SV2C: variants seen among roughly 807,000 people sequenced by gnomAD.
The protein encoded by SV2C is solute carrier family 22 member B3.
In SV2C, 49 loss-of-function variants were observed where a neutral mutation model predicts 79.7. The observed-to-expected ratio is 0.61, with a 90% CI of 0.49 to 0.78. The LOEUF is 0.78. SV2C is among the 30% of genes least tolerant of loss of function. The probability of loss-of-function intolerance (pLI) is 0.00; values close to 1 mark genes in which losing one functional copy is unlikely to be tolerated. For synonymous variants in SV2C, 334 were observed against 333.2 expected, an observed-to-expected ratio of 1.00 and a Z score of -0.03; for missense variants, 833 against 912.9, an observed-to-expected ratio of 0.91 and a Z score of 1.13.
intron 4 of SV2C, among the ~76,000 whole-genome samples, chr5:76,267,681 C>A (rs917068189): frequency 1.3e-5 from 2 of 152,180 alleles, no homozygotes; most frequent in African/African-American, 4.8e-5. Flanking sequence ...GGCATTGATG[C>A]CAAGCATGGC....
chr5:76,318,935 A>G (rs1367557740), intron 12 of SV2C, among the ~76,000 whole-genome samples: 1 of 152,208 alleles, frequency 6.6e-6, no homozygotes, highest in African/African-American at 2.4e-5. Context: ...CCCCACCCTC[A>G]AAGGACTTTA....
chr5:76,140,315 TC>T (rs1340187067), intron 2 of SV2C, among the ~76,000 whole-genome samples: 1 of 152,204 alleles, frequency 6.6e-6, no homozygotes, highest in East Asian at 1.9e-4. Context: ...TATACAGAAT[TC>T]ATTCCTCCCA....
the SV2C span, among the ~76,000 whole-genome samples, chr5:76,073,238 CT>C: frequency 6.6e-6 from 1 of 152,010 alleles, no homozygotes; most frequent in South Asian, 2.1e-4. Flanking sequence ...AGATTTAAGT[CT>C]TTGATCCATC....
intron 1 of SV2C, among the ~76,000 whole-genome samples, chr5:76,107,463 A>G (rs1422759249): frequency 1.3e-5 from 2 of 152,220 alleles, no homozygotes; most frequent in Non-Finnish European, 2.9e-5. Flanking sequence ...AAGAAATAAT[A>G]CCTTGCAGTT....
chr5:76,273,743 T>G (rs1362766468), intron 4 of SV2C, among the ~76,000 whole-genome samples: 1 of 152,158 alleles, frequency 6.6e-6, no homozygotes, highest in African/African-American at 2.4e-5. Context: ...TATTGGAGTT[T>G]GTTGGAATTT....
At chr5:76,084,399 G>A (rs1275529203) in intron 1 of SV2C, among the ~76,000 whole-genome samples, 1 of 151,896 alleles carries the variant, frequency 6.6e-6, no homozygotes, top group Non-Finnish European at 1.5e-5. Flanking sequence ...CCTTCCGCCT[G>A]GGTTCTAGAA....
the SV2C span, among the ~76,000 whole-genome samples, chr5:75,856,916 T>C: frequency 6.6e-6 from 1 of 152,098 alleles, no homozygotes; most frequent in Non-Finnish European, 1.5e-5. Context: ...CTTGTAGCAT[T>C]TTCATAGTTT....
At chr5:76,023,035 C>T in the SV2C span, among the ~76,000 whole-genome samples, 1 of 152,202 alleles carries the variant, frequency 6.6e-6, no homozygotes, top group Non-Finnish European at 1.5e-5. Flanking sequence ...TATATCCACA[C>T]TTCACAGTGA....
intron 1 of SV2C, among the ~76,000 whole-genome samples, chr5:76,111,456 C>G (rs960656273): frequency 6.6e-6 from 1 of 152,156 alleles, no homozygotes; most frequent in Admixed American, 6.5e-5. Context: ...ACTTTTCCAG[C>G]GAGGAAATGT....
intron 2 of SV2C, among the ~76,000 whole-genome samples, chr5:76,181,429 CA>C (rs1743727898): frequency 6.6e-6 from 1 of 152,192 alleles, no homozygotes; most frequent in Admixed American, 6.5e-5. Context: ...TCTGTTTTCA[CA>C]CTGCTATAAA....
At chr5:76,321,716 G>C (rs1342134489) in intron 12 of SV2C, among the ~76,000 whole-genome samples, 1 of 150,198 alleles carries the variant, frequency 6.7e-6, no homozygotes, top group Non-Finnish European at 1.5e-5. Context: ...ACTCCAGCCT[G>C]GGTGACATGA....
chr5:75,977,634 G>A, the SV2C span, among the ~76,000 whole-genome samples: 9 of 152,234 alleles, frequency 5.9e-5, no homozygotes, highest in African/African-American at 2.2e-4. Flanking sequence ...CTCACCCATA[G>A]CGGGCTGAAA....
rs561857208 is a variant in SV2C, at chr5:76,283,008, T to A, written c.914-2154T>A. The stretch of plus-strand genomic sequence containing the variant: ...GCCTGAGCGACAGAGTGAGACTCCA[T>A]CTCAACAAAACAAAACAAAAACAAG... On this transcript the variant is annotated intron_variant, in intron 4 of 12. Coordinates refer to ENST00000502798, the MANE Select transcript of SV2C (RefSeq NM_014979.4). Among the ~76,000 whole-genome samples, 25 of 152,040 alleles carry A rather than the reference T, an allele frequency of 1.6e-4. No individual in the cohort carries two copies. The South Asian group carries it at 5.2e-3, about 32-fold the overall frequency.
intron 4 of SV2C, among the ~76,000 whole-genome samples, chr5:76,267,513 A>G (rs1746705272): frequency 1.3e-5 from 2 of 152,296 alleles, no homozygotes; most frequent in South Asian, 4.1e-4. Context: ...TCTTTTGTAT[A>G]TTCCATTCTA....
chr5:75,987,988 C>T, the SV2C span, among the ~76,000 whole-genome samples: 33 of 152,058 alleles, frequency 2.2e-4, 1 homozygote, highest in South Asian at 6.2e-3. Context: ...TATAAAACAC[C>T]TACCTTTTGA....
At chr5:76,047,186 TAA>T in the SV2C span, among the ~76,000 whole-genome samples, 3 of 152,190 alleles carry the variant, frequency 2.0e-5, no homozygotes, top group African/African-American at 7.2e-5. Flanking sequence ...CACACTTAGA[TAA>T]CCAGCACCTA....
the SV2C span, among the ~76,000 whole-genome samples, chr5:76,002,989 G>A: frequency 1.3e-5 from 2 of 152,006 alleles, no homozygotes; most frequent in African/African-American, 2.4e-5. Flanking sequence ...GGAGGGGCCC[G>A]GTGGGAGGTA....
intron 2 of SV2C, chr5:76,173,529 T>C (rs1743397949): frequency 1.0e-5 from 12 of 1,194,610 alleles, no homozygotes; most frequent in East Asian, 2.3e-5. Flanking sequence ...GGAAAGTCCA[T>C]TTAAGATGTT....
At chr5:76,156,883 AAATG>A (rs1184032299) in intron 2 of SV2C, among the ~76,000 whole-genome samples, 2 of 152,120 alleles carry the variant, frequency 1.3e-5, no homozygotes, top group Admixed American at 6.6e-5. Context: ...AGAGAGAAAA[AAATG>A]AACAGAGCCT....
Sources: gnomAD v4.1 joint callset for allele counts (sites outside exome capture counted in the v4.1 genomes callset) on GRCh38, gnomAD v4.1.1 for gene constraint, MANE v1.5 for transcripts, NCBI Gene and HGNC (gene_info 2026-07-23, HGNC 2026-07-21) for gene names.